The following GRID2 variants were observed in gnomAD, a reference collection of about 807,000 sequenced individuals.
The protein encoded by GRID2 is glutamate receptor ionotropic, delta-2.
Under a neutral mutation model 114.8 loss-of-function variants are expected in GRID2, and 33 were observed. The ratio of observed to expected loss-of-function variants is 0.29; its 90% CI spans 0.22 to 0.38. The LOEUF is 0.38. Among genes scored for constraint, GRID2 ranks in the 10% least tolerant of loss-of-function variants. The probability of loss-of-function intolerance (pLI) is 1.00; values close to 1 mark genes in which losing one functional copy is unlikely to be tolerated. For synonymous variants in GRID2, 505 were observed against 449.9 expected (o/e 1.12, Z -1.55); for missense variants, 1,184 against 1,257.7 (o/e 0.94, Z 0.89).
chr4:92,825,215 C>T lies in GRID2; in HGVS notation c.244+234929C>T, dbSNP rs377133487. On this transcript the variant is annotated intron_variant, in intron 2 of 15. Transcript: ENST00000282020. ...AGGGTACAACTAGCCTAAAGAGAAC[C>T]TTTGCGCAAATTACAATAAAAAATC... is the stretch of plus-strand genomic sequence containing the variant. Among the ~76,000 whole-genome samples the T allele has an allele frequency of 3.3e-5, 5 of 152,104 alleles. No homozygotes were observed. In the East Asian group the frequency reaches 5.8e-4, roughly 18 times the overall value.
chr4:92,588,696 A>T (rs1173544136), intron 1 of GRID2, among the ~76,000 whole-genome samples: 1 of 151,612 alleles, frequency 6.6e-6, no homozygotes, highest in Non-Finnish European at 1.5e-5. Flanking sequence ...AAAAAAAAAA[A>T]AAAAAAATTC....
intron 2 of GRID2, among the ~76,000 whole-genome samples, chr4:92,786,162 C>A (rs1011174319): frequency 6.6e-5 from 10 of 151,918 alleles, no homozygotes; most frequent in Admixed American, 5.9e-4. Flanking sequence ...CCTAAAACTT[C>A]TTGTATTTTA....
At chr4:93,762,645 A>G (rs139949752) in intron 14 of GRID2, among the ~76,000 whole-genome samples, 23 of 152,298 alleles carry the variant, frequency 1.5e-4, no homozygotes, top group Non-Finnish European at 1.2e-4. Context: ...CAACAAGGGT[A>G]GAAGACCTAA....
rs143766293 is a variant in GRID2, at chr4:93,423,013, T to A, written c.1545+45T>A. On this transcript the variant is annotated intron_variant, in intron 10 of 15. Transcript: ENST00000282020. Reference sequence around the variant, plus strand: ...TTTGTCTCATACTTAAAGGTTCAATTATTTGTCTCATACCTAAAGGTTCAA... The same window carrying A: ...TTTGTCTCATACTTAAAGGTTCAATAATTTGTCTCATACCTAAAGGTTCAA... 12,734 of 1,304,798 alleles carry A rather than the reference T, an allele frequency of 9.8e-3. 183 individuals are homozygous for A. Among genetic ancestry groups the A allele is most frequent in the South Asian group, 0.044 (3,695 of 83,210 alleles). The allele number at this position is 1,304,798 out of a possible 1,614,324, so 80.8% of individuals were successfully genotyped here. A position where few individuals can be genotyped will look rare whatever the true frequency, so the allele number is the denominator to read the frequency against.
intron 14 of GRID2, among the ~76,000 whole-genome samples, chr4:93,726,531 G>T (rs1010011234): frequency 1.3e-5 from 2 of 152,184 alleles, no homozygotes; most frequent in African/African-American, 4.8e-5. Context: ...GAAAGTCATT[G>T]GTAGCTTGAT....
In GRID2 at chr4:93,608,789, T is replaced by TATAGTCATAAAC. The variant is rs1477129527; in HGVS notation, c.2194-17476_2194-17475insTCATAAACATAG. Among the ~76,000 whole-genome samples, 3 of 136,982 alleles carry TATAGTCATAAAC rather than the reference T, an allele frequency of 2.2e-5. 1 individual carries two copies. The highest frequency in any genetic ancestry group is 4.9e-5 in the Non-Finnish European group (3 of 61,700). The allele number at this position is 136,982 out of a possible 152,430, so 89.9% of individuals were successfully genotyped here. On this transcript the variant is annotated intron_variant, in intron 13 of 15. Transcript: ENST00000282020. ...ATAAACATACGGGTGCATGTGTCTT[T>TATAGTCATAAAC]ATAGCAGCATGATTTATAGTCATTT... is the stretch of plus-strand genomic sequence containing the variant.
intron 13 of GRID2, among the ~76,000 whole-genome samples, chr4:93,521,337 A>G (rs1372352911): frequency 2.0e-5 from 3 of 152,160 alleles, no homozygotes; most frequent in African/African-American, 4.8e-5. Flanking sequence ...GAAAAGAAAA[A>G]CATATAAACA....
chr4:93,682,524 A>T (rs1560901274), intron 14 of GRID2, among the ~76,000 whole-genome samples: 1 of 152,114 alleles, frequency 6.6e-6, no homozygotes, highest in Non-Finnish European at 1.5e-5. Flanking sequence ...AAGACTTGGA[A>T]CCAAGCCAAA....
chr4:93,225,837 G>C (rs1360143611), intron 7 of GRID2, among the ~76,000 whole-genome samples: 1 of 152,028 alleles, frequency 6.6e-6, no homozygotes, highest in Non-Finnish European at 1.5e-5. Flanking sequence ...AAGTTTTTTG[G>C]CTTATGATTC....
At chr4:92,764,459 C>G (rs1560578779) in intron 2 of GRID2, among the ~76,000 whole-genome samples, 1 of 152,128 alleles carries the variant, frequency 6.6e-6, no homozygotes, top group Non-Finnish European at 1.5e-5. Context: ...AGTACCCAAT[C>G]CTCTCCCCTG....
intron 1 of GRID2, among the ~76,000 whole-genome samples, chr4:92,437,311 G>T (rs572205515): frequency 5.3e-5 from 8 of 151,992 alleles, no homozygotes; most frequent in Non-Finnish European, 1.5e-5. Context: ...ACAGATTCTC[G>T]CCCTGTAGCC....
intron 2 of GRID2, among the ~76,000 whole-genome samples, chr4:92,725,685 A>G (rs1241013691): frequency 2.0e-5 from 3 of 152,286 alleles, no homozygotes; most frequent in Admixed American, 1.3e-4. Context: ...AATGCTTTGT[A>G]GAGTCTAATA....
At chr4:92,438,966 C>G (rs1170027043) in intron 1 of GRID2, among the ~76,000 whole-genome samples, 3 of 152,258 alleles carry the variant, frequency 2.0e-5, no homozygotes, top group Non-Finnish European at 2.9e-5. Flanking sequence ...ATGCGCGTCC[C>G]TGTGAAGAGA....
intron 14 of GRID2, among the ~76,000 whole-genome samples, chr4:93,722,435 T>G (rs546926299): frequency 1.3e-4 from 20 of 152,194 alleles, no homozygotes; most frequent in Non-Finnish European, 2.6e-4. Flanking sequence ...ATGTTATTTC[T>G]AATAAATATG....
At chr4:93,355,325 T>A (rs2149266741) in intron 8 of GRID2, among the ~76,000 whole-genome samples, 1 of 138,860 alleles carries the variant, frequency 7.2e-6, no homozygotes, top group African/African-American at 2.6e-5. Context: ...GACACCTTGG[T>A]TGAGCTGGAT....
intron 2 of GRID2, among the ~76,000 whole-genome samples, chr4:92,740,108 T>G (rs1736801097): frequency 6.6e-6 from 1 of 152,176 alleles, no homozygotes; most frequent in Non-Finnish European, 1.5e-5. Flanking sequence ...CCTTTGAGAT[T>G]TTCTTTTCTC....
intron 2 of GRID2, among the ~76,000 whole-genome samples, chr4:92,736,387 A>G (rs554254558): frequency 3.3e-5 from 5 of 152,266 alleles, no homozygotes; most frequent in African/African-American, 1.2e-4. Flanking sequence ...CTGATTTGAG[A>G]TATAGCATAA....
At chr4:93,214,324 C>CT (rs540774997) in intron 5 of GRID2, among the ~76,000 whole-genome samples, 69 of 152,088 alleles carry the variant, frequency 4.5e-4, no homozygotes, top group South Asian at 1.0e-3. Context: ...TATTTCTGGA[C>CT]TTTTTTCCAT....
intron 14 of GRID2, among the ~76,000 whole-genome samples, chr4:93,701,110 TAA>T (rs1041427359): frequency 1.3e-5 from 2 of 152,124 alleles, no homozygotes; most frequent in African/African-American, 4.8e-5. Flanking sequence ...CCATGCATGC[TAA>T]GAGGAATAAA....
Sources: allele counts gnomAD v4.1 joint callset (sites outside exome capture counted in the v4.1 genomes callset), GRCh38; gene constraint gnomAD v4.1.1; transcripts MANE v1.5; gene names NCBI Gene and HGNC (gene_info 2026-07-23, HGNC 2026-07-21).